The following RIMS4 variants were observed in gnomAD, a reference collection of about 807,000 sequenced individuals.
The protein encoded by RIMS4 is regulating synaptic membrane exocytosis 4.
Under a neutral mutation model 29.0 loss-of-function variants are expected in RIMS4, and 9 were observed. The ratio of observed to expected loss-of-function variants is 0.31; its 90% CI spans 0.19 to 0.54. The LOEUF (loss-of-function observed/expected upper bound fraction) is 0.54. Ranked by LOEUF, RIMS4 falls within the 20% of genes least tolerant of loss-of-function variation. RIMS4 has a pLI of 0.94. For synonymous variants in RIMS4, 130 were observed against 152.9 expected, an observed-to-expected ratio of 0.85 and a Z score of 1.10; for missense variants, 193 against 365.7, an observed-to-expected ratio of 0.53 and a Z score of 3.85.
intron 2 of RIMS4, among the ~76,000 whole-genome samples, chr20:44,759,793 T>C (rs958661664): frequency 3.9e-5 from 6 of 152,252 alleles, no homozygotes; most frequent in Admixed American, 6.5e-5. Flanking sequence ...CCATAAACTC[T>C]ACTAGCTACC....
At chr20:44,771,125 T>C in intron 2 of RIMS4, 150 bp downstream of exon 2, 1 of 864,526 alleles carries the variant, frequency 1.2e-6, no homozygotes, top group Non-Finnish European at 1.6e-6. Context: ...ACTGCCTCCC[T>C]TCTGAAGATG....
At chr20:44,795,385 C>T (rs1348009204) in intron 1 of RIMS4, among the ~76,000 whole-genome samples, 1 of 152,210 alleles carries the variant, frequency 6.6e-6, no homozygotes, top group Non-Finnish European at 1.5e-5. Context: ...CCTGTAATCC[C>T]AGCACTTTGG....
chr20:44,806,325 TC>T (rs2066298601), intron 1 of RIMS4, among the ~76,000 whole-genome samples: 1 of 152,082 alleles, frequency 6.6e-6, no homozygotes, highest in Admixed American at 6.5e-5. Flanking sequence ...ACACCCCAGC[TC>T]CCCAGCTAGG....
chr20:44,762,835 T>C (rs918835546), intron 2 of RIMS4, among the ~76,000 whole-genome samples: 3 of 152,274 alleles, frequency 2.0e-5, no homozygotes, highest in African/African-American at 4.8e-5. Flanking sequence ...GGCCGCAAAA[T>C]CAAATCTGCC....
intron 2 of RIMS4, among the ~76,000 whole-genome samples, chr20:44,763,598 G>C (rs1008480706): frequency 6.6e-6 from 1 of 152,236 alleles, no homozygotes; most frequent in Non-Finnish European, 1.5e-5. Context: ...CCCTGTAACA[G>C]GATTACAACC....
In RIMS4 at chr20:44,756,028, G is replaced by T. The variant is rs1006664654; in HGVS notation, c.*106C>A. The T allele has an allele frequency of 1.1e-6, 1 of 903,998 alleles. No individual in the cohort carries two copies. The highest frequency in any genetic ancestry group is 2.3e-5 in the Admixed American group (1 of 43,808). 56.0% of individuals were successfully genotyped at this position (903,998 alleles called of 1,614,324 possible). ...TCTCCCCGTTCTGCTTCCCCACTGT[G>T]GGGGAGAGCCCCGTCCTCCTGTTCA... On this transcript the variant is annotated 3_prime_UTR_variant, in exon 6 of 6. Coordinates refer to ENST00000372851, the MANE Select transcript of RIMS4 (RefSeq NM_182970.4). The surrounding 1 kb of genome is among the most constrained non-coding windows in gnomAD (Gnocchi z 5.9).
Position 44,756,275 on chromosome 20 carries a change from C to T in RIMS4, c.669G>A (p.Leu223=), listed in dbSNP as rs1376582072. ...AGCCCACGGCCAGGGTGGTCAAGTC[C>T]AGCTCCTCCAGCAGCACGCGAGCCA... ...MGVARVLLEE[L]DLTTLAVGWY... is the part of the protein sequence containing the mutation. The change falls in exon 6 of 6, where the codon CTG becomes CTA. Residue 223 remains leucine (L), a synonymous_variant. Transcript: ENST00000372851. The surrounding 1 kb of genome is among the most constrained non-coding windows in gnomAD (Gnocchi z 5.9). The T allele has an allele frequency of 1.4e-5, 22 of 1,613,842 alleles. No homozygotes were observed. The highest frequency in any genetic ancestry group is 1.7e-5 in the Non-Finnish European group (20 of 1,179,986).
chr20:44,792,635 CT>C (rs897542012), intron 1 of RIMS4, among the ~76,000 whole-genome samples: 8 of 152,222 alleles, frequency 5.3e-5, no homozygotes, highest in Admixed American at 4.6e-4. Flanking sequence ...TGGGCCTGTC[CT>C]TTCTGAGCTT....
chr20:44,807,996 T>C (rs912261630), intron 1 of RIMS4, among the ~76,000 whole-genome samples: 1 of 151,994 alleles, frequency 6.6e-6, no homozygotes, highest in African/African-American at 2.4e-5. Flanking sequence ...GGCTACTGGT[T>C]TAATGGAAAG....
intron 1 of RIMS4, among the ~76,000 whole-genome samples, chr20:44,783,780 T>C (rs2066195599): frequency 1.3e-5 from 2 of 152,154 alleles, no homozygotes. Flanking sequence ...GATAGGTAAA[T>C]CCATAGAACT....
At chr20:44,764,255 C>CATCCATCCATCCATCCATCTA (rs1325046131) in intron 2 of RIMS4, among the ~76,000 whole-genome samples, 2 of 144,322 alleles carry the variant, frequency 1.4e-5, no homozygotes, top group African/African-American at 5.2e-5. Context: ...TCCATCCATC[C>CATCCATCCATCCATCCATCTA]TCCCACAAAC....
intron 1 of RIMS4, among the ~76,000 whole-genome samples, chr20:44,792,336 A>G (rs995430458): frequency 4.6e-5 from 7 of 151,516 alleles, no homozygotes; most frequent in Non-Finnish European, 8.8e-5. Context: ...CTTGTTGCCC[A>G]GGCTGGAGTA....
chr20:44,795,474 A>G (rs1348625037), intron 1 of RIMS4, among the ~76,000 whole-genome samples: 2 of 152,020 alleles, frequency 1.3e-5, no homozygotes, highest in Non-Finnish European at 2.9e-5. Context: ...TCTCCACTAA[A>G]ACAAAAAATT....
chr20:44,763,982 C>T (rs2066097169), intron 2 of RIMS4, among the ~76,000 whole-genome samples: 2 of 151,340 alleles, frequency 1.3e-5, no homozygotes, highest in East Asian at 1.9e-4. Flanking sequence ...ATCCATCCAT[C>T]CACCTATCAC....
In RIMS4 at chr20:44,756,169, C is replaced by T. The variant is rs375439986; in HGVS notation, c.775G>A (p.Glu259Lys). The T allele has an allele frequency of 1.2e-6, 2 of 1,612,892 alleles. No individual in the cohort carries two copies. Among genetic ancestry groups the T allele is most frequent in the Non-Finnish European group, 1.7e-6 (2 of 1,179,670 alleles). ...TCTCCGCAGGGCCCCACGGTGCTCTCGAGGGACAACTGGGATGCCTGCCGG... is the reference window on the plus strand; with the variant it reads ...TCTCCGCAGGGCCCCACGGTGCTCTTGAGGGACAACTGGGATGCCTGCCGG... ...LLRQASQLSL[E>K]STVGPCGERS Residue 259 changes from glutamate to lysine, a missense_variant, in exon 6 of 6, where the codon GAG becomes AAG. Transcript: ENST00000372851. This position sits in a 1 kb window ranked among gnomAD's most constrained non-coding sequence, Gnocchi z 5.9.
intron 2 of RIMS4, among the ~76,000 whole-genome samples, chr20:44,764,623 T>C (rs1033364214): frequency 3.3e-5 from 5 of 152,150 alleles, no homozygotes; most frequent in African/African-American, 1.2e-4. Context: ...TGTGGACAGG[T>C]GTGGCTTATA....
At position 44,776,967 on chromosome 20, in the gene RIMS4, T is replaced by C. The variant is rs1439018370; in HGVS notation, c.98-5554A>G. Among the ~76,000 whole-genome samples the C allele has an allele frequency of 2.0e-5, 3 of 152,328 alleles. No individual in the cohort carries two copies. In the East Asian group the frequency reaches 5.8e-4, roughly 29 times the overall value. ...CTATTCTGGCTCCAAAGCCATGTTT[T>C]AAATGCACCCTAAAGTAAACTCTCC... On this transcript the variant is annotated intron_variant, in intron 1 of 5. Coordinates refer to ENST00000372851, the MANE Select transcript of RIMS4 (RefSeq NM_182970.4).
chr20:44,760,259 G>GA (rs1157169748), intron 2 of RIMS4, among the ~76,000 whole-genome samples: 1 of 152,196 alleles, frequency 6.6e-6, no homozygotes, highest in Non-Finnish European at 1.5e-5. Context: ...AGGCTGGGGG[G>GA]ATCTGAAAGC....
chr20:44,787,212 T>C (rs1960098717), intron 1 of RIMS4, among the ~76,000 whole-genome samples: 1 of 151,594 alleles, frequency 6.6e-6, no homozygotes. Flanking sequence ...TGGTGTGAGA[T>C]GAGGTTTGAG....
Sources: gnomAD v4.1 joint callset for allele counts (sites outside exome capture counted in the v4.1 genomes callset) on GRCh38, gnomAD v4.1.1 for gene constraint, Gnocchi (gnomAD v3.1) non-coding constraint, MANE v1.5 for transcripts, NCBI Gene and HGNC (gene_info 2026-07-23, HGNC 2026-07-21) for gene names.